Variants in LRFN5 observed in about 807,000 individuals in gnomAD.
The protein encoded by LRFN5 is leucine rich repeat and fibronectin type III domain containing 5.
Under a neutral mutation model 45.6 loss-of-function variants are expected in LRFN5, and 24 were observed. The ratio of observed to expected loss-of-function variants is 0.53; its 90% CI spans 0.38 to 0.74. LRFN5 has a LOEUF of 0.74. Ranked by LOEUF, LRFN5 falls within the 30% of genes least tolerant of loss-of-function variation. The pLI is 0.00. For missense variants in LRFN5, 776 were observed against 861.5 expected, an observed-to-expected ratio of 0.90 and a Z score of 1.24; for synonymous variants, 340 against 313.8, an observed-to-expected ratio of 1.08 and a Z score of -0.88.
intron 1 of LRFN5, among the ~76,000 whole-genome samples, chr14:41,609,776 T>G (rs918896447): frequency 1.3e-5 from 2 of 152,210 alleles, no homozygotes; most frequent in Non-Finnish European, 2.9e-5. Context: ...CAGGGTGCCC[T>G]GCTTCAGGAG....
chr14:41,635,112 A>AT (rs1879240732), intron 1 of LRFN5, among the ~76,000 whole-genome samples: 1 of 152,070 alleles, frequency 6.6e-6, no homozygotes, highest in Non-Finnish European at 1.5e-5. Flanking sequence ...GCATGTTGAT[A>AT]TTTTTATAAT....
intron 2 of LRFN5, among the ~76,000 whole-genome samples, chr14:41,845,671 A>T (rs1889036954): frequency 6.6e-6 from 1 of 152,138 alleles, no homozygotes; most frequent in Non-Finnish European, 1.5e-5. Context: ...TGTAATTTTA[A>T]ATTTCAAGAT....
intron 2 of LRFN5, among the ~76,000 whole-genome samples, chr14:41,797,670 C>G (rs1187452902): frequency 6.6e-6 from 1 of 151,442 alleles, no homozygotes. Context: ...AAAGTTTTTA[C>G]ATATTTATGT....
chr14:41,852,088 C>T (rs761019982), intron 2 of LRFN5, among the ~76,000 whole-genome samples: 1 of 151,714 alleles, frequency 6.6e-6, no homozygotes, highest in Non-Finnish European at 1.5e-5. Flanking sequence ...TAACTATACT[C>T]CCTTAAATTG....
At chr14:41,662,573 A>G (rs1441770477) in intron 1 of LRFN5, among the ~76,000 whole-genome samples, 1 of 152,054 alleles carries the variant, frequency 6.6e-6, no homozygotes, top group Non-Finnish European at 1.5e-5. Context: ...GGATAATTAA[A>G]AAAATATGGC....
At chr14:41,750,364 A>G (rs1487869081) in intron 1 of LRFN5, among the ~76,000 whole-genome samples, 4 of 150,678 alleles carry the variant, frequency 2.7e-5, no homozygotes, top group Admixed American at 1.3e-4. Context: ...GATAATGGAA[A>G]GAGATTCTAT....
chr14:41,754,344 A>G (rs1885278334), intron 1 of LRFN5, among the ~76,000 whole-genome samples: 1 of 152,162 alleles, frequency 6.6e-6, no homozygotes. Context: ...GAATGGTACC[A>G]GCTCCTCCTT....
intron 1 of LRFN5, among the ~76,000 whole-genome samples, chr14:41,618,136 T>G (rs1887985604): frequency 6.6e-6 from 1 of 152,200 alleles, no homozygotes; most frequent in African/African-American, 2.4e-5. Flanking sequence ...TAATGGGCAG[T>G]CAAAATCTGG....
At chr14:41,735,799 C>T (rs1215474683) in intron 1 of LRFN5, among the ~76,000 whole-genome samples, 1 of 152,012 alleles carries the variant, frequency 6.6e-6, no homozygotes, top group East Asian at 1.9e-4. Flanking sequence ...TGTTCCCCTC[C>T]CTGTGTCCAT....
At chr14:41,618,879 T>G (rs6572098) in intron 1 of LRFN5, among the ~76,000 whole-genome samples, 3,276 of 152,280 alleles carry the variant, frequency 0.022, 106 homozygotes, top group African/African-American at 0.071. Flanking sequence ...AGAATATGTT[T>G]TTTTCTTACA....
intron 2 of LRFN5, among the ~76,000 whole-genome samples, chr14:41,791,725 A>G (rs1886928025): frequency 6.6e-6 from 1 of 152,090 alleles, no homozygotes; most frequent in African/African-American, 2.4e-5. Context: ...TGTTTCCATT[A>G]AGAGGATTAT....
intron 1 of LRFN5, among the ~76,000 whole-genome samples, chr14:41,664,868 C>G (rs944698434): frequency 6.6e-6 from 1 of 151,832 alleles, no homozygotes; most frequent in Non-Finnish European, 1.5e-5. Flanking sequence ...CCACACAAAT[C>G]AATACACAAG....
chr14:41,708,908 A>G (rs1432655994), intron 1 of LRFN5, among the ~76,000 whole-genome samples: 1 of 151,980 alleles, frequency 6.6e-6, no homozygotes, highest in Non-Finnish European at 1.5e-5. Context: ...TTGAGCTTTC[A>G]TGTATTGTGA....
chr14:41,707,837 C>T (rs1359982029), intron 1 of LRFN5, among the ~76,000 whole-genome samples: 1 of 151,860 alleles, frequency 6.6e-6, no homozygotes, highest in African/African-American at 2.4e-5. Flanking sequence ...TATATATTGC[C>T]CCAAAGACTA....
chr14:41,767,907 T>G (rs1885945319), intron 2 of LRFN5, among the ~76,000 whole-genome samples: 1 of 152,180 alleles, frequency 6.6e-6, no homozygotes, highest in African/African-American at 2.4e-5. Flanking sequence ...AACTTCATGT[T>G]TGAGGCATTT....
At chr14:41,623,129 A>G (rs1211308634) in intron 1 of LRFN5, among the ~76,000 whole-genome samples, 1 of 152,078 alleles carries the variant, frequency 6.6e-6, no homozygotes, top group Non-Finnish European at 1.5e-5. Flanking sequence ...CCAGCCCTCT[A>G]AAGGGTCATT....
intron 1 of LRFN5, among the ~76,000 whole-genome samples, chr14:41,720,109 T>A (rs1883655406): frequency 2.6e-5 from 4 of 152,060 alleles, no homozygotes; most frequent in Admixed American, 2.6e-4. Context: ...CATTAGTTTT[T>A]CCCTCATCCA....
chr14:41,892,422 C>A (rs752374732), intron 4 of LRFN5: 80 of 984,204 alleles, frequency 8.1e-5, no homozygotes, highest in South Asian at 9.4e-5. Flanking sequence ...CTAGGACCAA[C>A]TCCTAGGACT....
chr14:41,618,188 T>G (rs981703246), intron 1 of LRFN5, among the ~76,000 whole-genome samples: 1 of 152,210 alleles, frequency 6.6e-6, no homozygotes, highest in African/African-American at 2.4e-5. Context: ...AAATCTTTTC[T>G]AAAGTAAGCC....
Sources: allele counts gnomAD v4.1 joint callset (sites outside exome capture counted in the v4.1 genomes callset), GRCh38; gene constraint gnomAD v4.1.1; transcripts MANE v1.5; gene names NCBI Gene and HGNC (gene_info 2026-07-23, HGNC 2026-07-21).